GRIK2: variants seen among roughly 807,000 people sequenced by gnomAD.
The protein encoded by GRIK2 is glutamate ionotropic receptor kainate type subunit 2.
Under a neutral mutation model 100.3 loss-of-function variants are expected in GRIK2, and 32 were observed. That is an observed-to-expected ratio of 0.32 (90% CI 0.24 to 0.43). The LOEUF (loss-of-function observed/expected upper bound fraction) is 0.43. Among genes scored for constraint, GRIK2 ranks in the 20% least tolerant of loss-of-function variants. GRIK2 has a pLI of 1.00. For synonymous variants in GRIK2, 417 were observed against 389.4 expected (o/e 1.07, Z -0.83); for missense variants, 843 against 1,114.9 (o/e 0.76, Z 3.47).
chr6:101,689,559 G>A (rs1168740765), intron 7 of GRIK2, among the ~76,000 whole-genome samples: 1 of 152,022 alleles, frequency 6.6e-6, no homozygotes. Flanking sequence ...TTCTTTCTCT[G>A]CAGTCTAGGG....
intron 14 of GRIK2, among the ~76,000 whole-genome samples, chr6:102,010,226 C>T (rs1411033496): frequency 6.6e-6 from 1 of 151,936 alleles, no homozygotes; most frequent in Non-Finnish European, 1.5e-5. Flanking sequence ...TATTGTTTCA[C>T]TCTTGATATT....
chr6:101,808,350 A>C (rs2128417319), intron 9 of GRIK2, among the ~76,000 whole-genome samples: 1 of 152,186 alleles, frequency 6.6e-6, no homozygotes, highest in South Asian at 2.1e-4. Context: ...AATTTAGAAA[A>C]GAATTTCCTA....
intron 2 of GRIK2, among the ~76,000 whole-genome samples, chr6:101,501,902 TG>T (rs1267000856): frequency 6.6e-6 from 1 of 152,058 alleles, no homozygotes; most frequent in Non-Finnish European, 1.5e-5. Context: ...GGACTACAGA[TG>T]TGTGCCACCA....
At chr6:102,059,039 T>C in intron 16 of GRIK2, among the ~76,000 whole-genome samples, 1 of 151,394 alleles carries the variant, frequency 6.6e-6, no homozygotes, top group Non-Finnish European at 1.5e-5. Context: ...ATATTGTAAA[T>C]ACTAGTGAAA....
chr6:101,493,379 G>A (rs1773247749), intron 2 of GRIK2, among the ~76,000 whole-genome samples: 1 of 152,000 alleles, frequency 6.6e-6, no homozygotes, highest in Non-Finnish European at 1.5e-5. Flanking sequence ...AATACAGAAT[G>A]CCTACAAAGA....
At chr6:101,671,790 G>A (rs574500913) in intron 4 of GRIK2, among the ~76,000 whole-genome samples, 1 of 152,284 alleles carries the variant, frequency 6.6e-6, no homozygotes, top group South Asian at 2.1e-4. Context: ...TTTGAACCCA[G>A]GAGGCGGAGG....
chr6:102,008,596 G>C lies in GRIK2; in HGVS notation c.2086-26745G>C, dbSNP rs570623233. On this transcript the variant is annotated intron_variant, in intron 14 of 16. Transcript: ENST00000369134. ...AGAATTGAATTCTAGAAGGAATTTT[G>C]CCTCTAAAACATGAGATGCTAACAC... 7.9e-5 allele frequency among the ~76,000 whole-genome samples: 12 copies of C among 152,164 alleles called. No individual in the cohort carries two copies. In the East Asian group the frequency reaches 1.2e-3, roughly 15 times the overall value.
At chr6:101,779,383 T>C (rs191840869) in intron 7 of GRIK2, among the ~76,000 whole-genome samples, 2 of 152,202 alleles carry the variant, frequency 1.3e-5, no homozygotes, top group African/African-American at 4.8e-5. Flanking sequence ...TTAATGAATA[T>C]TTAAATATAT....
intron 14 of GRIK2, among the ~76,000 whole-genome samples, chr6:102,026,111 CATATATATATATAT>C (rs6149730): frequency 0.019 from 1,873 of 100,208 alleles, 42 homozygotes; most frequent in African/African-American, 0.052. Context: ...TATACACTTA[CATATATATATATAT>C]ATATATATAT....
chr6:102,041,101 A>G (rs1245802005), intron 15 of GRIK2, among the ~76,000 whole-genome samples: 2 of 151,612 alleles, frequency 1.3e-5, no homozygotes, highest in East Asian at 3.9e-4. Flanking sequence ...AAGCATCTCA[A>G]TAAGTTATGC....
chr6:101,729,265 G>T (rs1254176051), intron 7 of GRIK2, among the ~76,000 whole-genome samples: 2 of 152,038 alleles, frequency 1.3e-5, no homozygotes, highest in East Asian at 3.9e-4. Flanking sequence ...CATTTAATTA[G>T]AGAGAAGTAT....
chr6:101,771,133 T>C (rs1423270407), intron 7 of GRIK2, among the ~76,000 whole-genome samples: 1 of 152,262 alleles, frequency 6.6e-6, no homozygotes, highest in African/African-American at 2.4e-5. Context: ...GAAACTAAAC[T>C]CTAAGACTGT....
chr6:101,410,094 C>T (rs1341055065), intron 2 of GRIK2, among the ~76,000 whole-genome samples: 1 of 152,002 alleles, frequency 6.6e-6, no homozygotes, highest in Non-Finnish European at 1.5e-5. Flanking sequence ...ATATATACAA[C>T]ATCAGAAGAA....
chr6:102,057,840 T>C (rs1320731410), intron 16 of GRIK2, among the ~76,000 whole-genome samples: 2 of 151,876 alleles, frequency 1.3e-5, no homozygotes. Context: ...TCTTGTCTAT[T>C]ATTTTACCTT....
At chr6:101,771,268 G>T (rs540065527) in intron 7 of GRIK2, among the ~76,000 whole-genome samples, 2 of 151,318 alleles carry the variant, frequency 1.3e-5, no homozygotes, top group Admixed American at 6.6e-5. Context: ...TCAGTGCAAC[G>T]GGTTGTATAA....
chr6:101,790,786 C>G (rs1274958088), intron 7 of GRIK2, among the ~76,000 whole-genome samples: 1 of 151,204 alleles, frequency 6.6e-6, no homozygotes, highest in African/African-American at 2.4e-5. Context: ...GGAATGGTAC[C>G]AGTTCCTCCT....
intron 14 of GRIK2, among the ~76,000 whole-genome samples, chr6:101,968,380 TA>T (rs1317416741): frequency 1.3e-5 from 2 of 152,008 alleles, no homozygotes; most frequent in Non-Finnish European, 2.9e-5. Context: ...CTTTACTGAA[TA>T]AAACAAATTT....
intron 4 of GRIK2, among the ~76,000 whole-genome samples, chr6:101,651,896 C>T (rs1034601086): frequency 6.6e-6 from 1 of 151,988 alleles, no homozygotes; most frequent in Non-Finnish European, 1.5e-5. Flanking sequence ...TGAGTATAAA[C>T]AAAGAAGACT....
chr6:102,061,713 A>G (rs1771763396), intron 16 of GRIK2, among the ~76,000 whole-genome samples: 1 of 150,590 alleles, frequency 6.6e-6, no homozygotes. Context: ...CAAGTTATGA[A>G]TCCATAAAAA....
Sources: gnomAD v4.1 joint callset for allele counts (sites outside exome capture counted in the v4.1 genomes callset) on GRCh38, gnomAD v4.1.1 for gene constraint, MANE v1.5 for transcripts, NCBI Gene and HGNC (gene_info 2026-07-23, HGNC 2026-07-21) for gene names.